Variants in ALMS1 observed in about 807,000 individuals in gnomAD.
ALMS1 encodes centrosome-associated protein ALMS1.
In ALMS1, 271 loss-of-function variants were observed where a neutral mutation model predicts 352.2. That is an observed-to-expected ratio of 0.77 (90% confidence interval 0.70 to 0.85). ALMS1 has a LOEUF of 0.85. Ranked by LOEUF, ALMS1 falls within the 40% of genes least tolerant of loss-of-function variation. The probability of loss-of-function intolerance (pLI) is 0.00; values close to 1 mark genes in which losing one functional copy is unlikely to be tolerated. For missense variants in ALMS1, 5,445 were observed against 4,870.7 expected (o/e 1.12, Z -3.51); for synonymous variants, 1,865 against 1,761.2 (o/e 1.06, Z -1.48).
chr2:73,465,875 C>G (rs1000770542), intron 9 of ALMS1, among the ~76,000 whole-genome samples: 12 of 152,180 alleles, frequency 7.9e-5, no homozygotes, highest in Admixed American at 7.2e-4. Flanking sequence ...GCAAAAAACA[C>G]ATGAAAAAAT....
chr2:73,594,043 G>T (rs938205891), intron 16 of ALMS1, among the ~76,000 whole-genome samples: 1 of 152,162 alleles, frequency 6.6e-6, no homozygotes, highest in Non-Finnish European at 1.5e-5. Context: ...GAATATTCAT[G>T]TAGAAGTTTT....
chr2:73,556,553 G>A (rs891429821), intron 13 of ALMS1, among the ~76,000 whole-genome samples: 1 of 151,326 alleles, frequency 6.6e-6, no homozygotes, highest in African/African-American at 2.4e-5. Flanking sequence ...TCCATAAGTG[G>A]TAAAAACTTT....
intron 9 of ALMS1, among the ~76,000 whole-genome samples, chr2:73,489,065 G>A (rs752222824): frequency 6.6e-6 from 1 of 152,206 alleles, no homozygotes; most frequent in Non-Finnish European, 1.5e-5. Flanking sequence ...GGACAACTAA[G>A]CTGTCTTACA....
chr2:73,599,613 T>C, intron 17 of ALMS1, 92 bp downstream of exon 17: 4 of 1,454,216 alleles, frequency 2.8e-6, no homozygotes, highest in East Asian at 2.3e-5. Context: ...ATAAAGGACA[T>C]GAAGATAAAA....
chr2:73,564,349 C>T (rs1017208828), intron 15 of ALMS1, among the ~76,000 whole-genome samples: 1 of 151,478 alleles, frequency 6.6e-6, no homozygotes, highest in Admixed American at 6.6e-5. Context: ...GCCGATAATC[C>T]CAGCTATTCA....
In ALMS1 at chr2:73,453,900, A is replaced by G. The variant is rs931122626; in HGVS notation, c.7373A>G (p.Asp2458Gly). Residue 2458 changes from aspartate to glycine, a missense_variant, in exon 8 of 23, where the codon GAT (aspartate) becomes GGT (glycine). Transcript: ENST00000613296. ...GTTTCACCCAAGACAAGTATAACAG[A>G]TAGCAGGGAGGAAGAGGGTGTGTCA... ...PYVSPKTSIT[D>G]SREEEGVSES... is the part of the protein sequence containing the mutation. The G allele has an allele frequency of 6.2e-7, 1 of 1,614,094 alleles. No individual in the cohort carries two copies.
chr2:73,419,047 A>T (rs1671234598), intron 2 of ALMS1, 76 bp from the exon 3 acceptor site: 1 of 1,229,272 alleles, frequency 8.1e-7, no homozygotes, highest in Non-Finnish European at 1.2e-6. Context: ...ACATGAGTGG[A>T]CATTTTCATC....
chr2:73,485,987 T>G (rs940927034), intron 9 of ALMS1, among the ~76,000 whole-genome samples: 5 of 152,048 alleles, frequency 3.3e-5, no homozygotes, highest in East Asian at 2.0e-4. Flanking sequence ...ACTCCCTAGT[T>G]AGATGAACCC....
Position 73,455,228 on chromosome 2 carries a change from A to G in ALMS1, c.7607A>G (p.Asp2536Gly), listed in dbSNP as rs1279652916. ...GYSISELNED[D>G]RRKVEEIKAE... Reference sequence around the variant, plus strand: ...TCCATTTCAGAATTAAATGAAGATGACAGGAGGAAAGTAGAAGAGATCAAG... The same window carrying G: ...TCCATTTCAGAATTAAATGAAGATGGCAGGAGGAAAGTAGAAGAGATCAAG... Residue 2536 changes from aspartate (D) to glycine (G), a missense_variant, in exon 9 of 23, where the codon GAC becomes GGC. Transcript: ENST00000613296. 9 of 1,613,958 alleles carry G rather than the reference A, an allele frequency of 5.6e-6. No individual in the cohort carries two copies. The highest frequency in any genetic ancestry group is 7.6e-6 in the Non-Finnish European group (9 of 1,179,970).
chr2:73,459,341 G>A (rs920076886), intron 9 of ALMS1: 1 of 152,008 alleles, frequency 6.6e-6, no homozygotes, highest in Non-Finnish European at 1.5e-5. Context: ...TGGTTTGTGT[G>A]TTTTACATAT....
Position 73,451,819 on chromosome 2 carries a change from G to A in ALMS1, c.5292G>A (p.Lys1764=), listed in dbSNP as rs1393538628. The change falls in exon 8 of 23, where the codon AAG becomes AAA. Residue 1764 remains lysine (K), a synonymous_variant. Transcript: ENST00000613296. ...VTSSFYSHTE[K]PNISYQQELP... Reference sequence around the variant, plus strand: ...CCTCTTTCTATTCACATACAGAGAAGCCTAATATTTCTTACCAGCAAGAGT... The same window carrying A: ...CCTCTTTCTATTCACATACAGAGAAACCTAATATTTCTTACCAGCAAGAGT... 4 of 1,613,948 alleles carry A rather than the reference G, an allele frequency of 2.5e-6. No homozygotes were observed. The highest frequency in any genetic ancestry group is 3.4e-6 in the Non-Finnish European group (4 of 1,179,972).
At position 73,572,363 on chromosome 2, in the gene ALMS1, A is replaced by G. The variant is rs1390239913; in HGVS notation, c.10486A>G (p.Ile3496Val). 9 of 1,609,098 alleles carry G rather than the reference A, an allele frequency of 5.6e-6. No homozygotes were observed. Among genetic ancestry groups the G allele is most frequent in the Non-Finnish European group, 7.6e-6 (9 of 1,178,064 alleles). ...HPVHLPSDQD[I>V]CHESLGKSVF... ...CGTACACCTACCAAGTGATCAAGAT[A>G]TTTGCCATGAATCTTTGGGAAAGAG... The change falls in exon 16 of 23, where the codon ATT becomes GTT. Residue 3496 changes from isoleucine (I) to valine (V), a missense_variant. Transcript: ENST00000613296.
chr2:73,428,692 T>C lies in ALMS1; in HGVS notation c.1338+2139T>C, dbSNP rs139162775. The stretch of plus-strand genomic sequence containing the variant: ...TATTATTCTTTCAATCTAAGGAAGA[T>C]GCTATTATTCCCTGTATTGTCTTTC... On this transcript the variant is annotated intron_variant, in intron 6 of 22. Coordinates refer to ENST00000613296, the MANE Select transcript of ALMS1 (RefSeq NM_001378454.1). 2.4e-4 allele frequency among the ~76,000 whole-genome samples: 36 copies of C among 152,366 alleles called. No homozygotes were observed. The East Asian group carries it at 6.7e-3, about 29-fold the overall frequency.
chr2:73,582,785 ATTTGGGTTG>A (rs768487418), intron 16 of ALMS1, among the ~76,000 whole-genome samples: 128 of 152,272 alleles, frequency 8.4e-4, no homozygotes, highest in South Asian at 1.2e-3. Flanking sequence ...ATTGATGGAC[ATTTGGGTTG>A]TTTCCACCTT....
intron 9 of ALMS1, chr2:73,469,474 ATATAATG>A (rs1672424738): frequency 1.3e-5 from 2 of 152,056 alleles, no homozygotes; most frequent in South Asian, 4.1e-4. Flanking sequence ...TAATAGGAGA[ATATAATG>A]TATAACATAT....
Position 73,454,004 on chromosome 2 carries a change from C to A in ALMS1, c.7477C>A (p.Leu2493Met). 1 of 1,613,730 alleles carries A rather than the reference C, an allele frequency of 6.2e-7. No individual in the cohort carries two copies. The highest frequency in any genetic ancestry group is 8.5e-7 in the Non-Finnish European group (1 of 1,179,898). Residue 2493 changes from leucine (L) to methionine (M), a missense_variant, in exon 8 of 23, where the codon CTG (leucine) becomes ATG (methionine). Leu to Met is a conservative substitution (Grantham distance 15). Coordinates refer to ENST00000613296, the MANE Select transcript of ALMS1 (RefSeq NM_001378454.1). ...VKNLLQCESSLNHAKEILRNA... is the reference protein window; with the variant it reads ...VKNLLQCESSMNHAKEILRNA... ...AAACCTTCTGCAATGTGAATCCTCA[C>A]TGAATCATGCTAAAGAAATACTCAG...
intron 12 of ALMS1, among the ~76,000 whole-genome samples, chr2:73,538,843 G>A (rs1558686017): frequency 2.6e-5 from 4 of 152,180 alleles, no homozygotes; most frequent in South Asian, 4.1e-4. Context: ...GGGGATGGGC[G>A]CCCTCCATTG....
At chr2:73,602,017 C>T (rs979292424) in intron 19 of ALMS1, among the ~76,000 whole-genome samples, 168 bp from the exon 20 acceptor site, 3 of 152,200 alleles carry the variant, frequency 2.0e-5, no homozygotes, top group African/African-American at 7.2e-5. Context: ...AGCTGCAGCT[C>T]TCCCCCATAG....
chr2:73,505,833 T>G (rs974924653), intron 10 of ALMS1, among the ~76,000 whole-genome samples: 1 of 152,220 alleles, frequency 6.6e-6, no homozygotes, highest in African/African-American at 2.4e-5. Context: ...TTGTTGCCAT[T>G]GCTTTTGGTG....
Sources: gnomAD v4.1 joint callset for allele counts (sites outside exome capture counted in the v4.1 genomes callset) on GRCh38, gnomAD v4.1.1 for gene constraint, MANE v1.5 for transcripts, NCBI Gene and HGNC (gene_info 2026-07-23, HGNC 2026-07-21) for gene names.